The following PCDHGA2 variants were observed in gnomAD, a reference collection of about 807,000 sequenced individuals.
The protein encoded by PCDHGA2 is protocadherin gamma subfamily A, 2.
A neutral mutation model predicts 59.2 loss-of-function variants in PCDHGA2; 40 were observed. The ratio of observed to expected loss-of-function variants is 0.68; its 90% CI spans 0.52 to 0.88. The LOEUF (loss-of-function observed/expected upper bound fraction) is 0.88. Ranked by LOEUF, PCDHGA2 falls within the 40% of genes least tolerant of loss-of-function variation. The pLI is 0.00. For missense variants in PCDHGA2, 1,226 were observed against 1,204.0 expected, an observed-to-expected ratio of 1.02 and a Z score of -0.27; for synonymous variants, 560 against 526.0, an observed-to-expected ratio of 1.06 and a Z score of -0.89.
intron 1 of PCDHGA2, chr5:141,415,762 T>TGTTTG: frequency 7.1e-7 from 1 of 1,399,990 alleles, no homozygotes; most frequent in Non-Finnish European, 9.3e-7. Flanking sequence ...TTTTTTTTTT[T>TGTTTG]TTTTTTTTTT....
At chr5:141,404,302 T>G (rs377754198) in intron 1 of PCDHGA2, 1 of 1,613,858 alleles carries the variant, frequency 6.2e-7, no homozygotes, top group African/African-American at 1.3e-5. Flanking sequence ...ATAATCCACC[T>G]GCTTTCTCTC....
In PCDHGA2 at chr5:141,433,363, CTATCT is replaced by C. The variant is rs2097590943; in HGVS notation, c.2425-61443_2425-61439del. On this transcript the variant is annotated intron_variant, in intron 1 of 3. Transcript: ENST00000394576. ...TGCAAGCCACCTACTGTCTGCCTAT[CTATCT>C]ATCTATCTATCTATCTATCTATCTA... 4 of 463,386 alleles carry C rather than the reference CTATCT, an allele frequency of 8.6e-6. No homozygotes were observed. The African/African-American group carries it at 1.1e-4, about 13-fold the overall frequency. 28.7% of individuals were successfully genotyped at this position (463,386 alleles called of 1,614,324 possible). A position where few individuals can be genotyped will look rare whatever the true frequency, so the allele number is the denominator to read the frequency against.
intron 1 of PCDHGA2, among the ~76,000 whole-genome samples, chr5:141,446,182 G>A (rs1411996595): frequency 6.6e-6 from 1 of 152,118 alleles, no homozygotes; most frequent in African/African-American, 2.4e-5. Flanking sequence ...GGGGTGTTTT[G>A]TTTATTATTA....
intron 1 of PCDHGA2, among the ~76,000 whole-genome samples, chr5:141,450,313 T>G (rs2098676929): frequency 6.6e-6 from 1 of 152,172 alleles, no homozygotes; most frequent in Middle Eastern, 3.4e-3. Context: ...ATGTGTGGCC[T>G]AGTTGCCATG....
intron 1 of PCDHGA2, chr5:141,393,706 C>T: frequency 1.2e-6 from 2 of 1,613,798 alleles, no homozygotes; most frequent in African/African-American, 1.3e-5. Flanking sequence ...AATGAAAATA[C>T]TGGGGAAATA....
chr5:141,415,477 CGAAA>C (rs764359660), intron 1 of PCDHGA2: 56 of 1,614,066 alleles, frequency 3.5e-5, no homozygotes, highest in Middle Eastern at 3.3e-4. Context: ...CGCGGACTCG[CGAAA>C]GAGTCACCTG....
At position 141,489,969 on chromosome 5, in the gene PCDHGA2, A is replaced by C. The variant is rs746202385; in HGVS notation, c.2425-4838A>C. On this transcript the variant is annotated intron_variant, in intron 1 of 3. Coordinates refer to ENST00000394576, the MANE Select transcript of PCDHGA2 (RefSeq NM_018915.4). This position sits in a 1 kb window ranked among gnomAD's most constrained non-coding sequence, Gnocchi z 4.5. The stretch of plus-strand genomic sequence containing the variant: ...TCAATGATAATGCTCCAACCTTCCA[A>C]TCCTCAGTTCTACGTGTGGGAATCC... 4 of 1,614,008 alleles carry C rather than the reference A, an allele frequency of 2.5e-6. No individual in the cohort carries two copies.
chr5:141,478,135 C>T (rs1307702473), intron 1 of PCDHGA2: 7 of 1,613,970 alleles, frequency 4.3e-6, no homozygotes, highest in African/African-American at 1.3e-5. Flanking sequence ...CTCCTGAAGC[C>T]CGAGCCGAGT....
chr5:141,341,047 C>A lies in PCDHGA2; in HGVS notation c.2076C>A (p.Tyr692Ter). 6.2e-7 allele frequency: 1 copy of A among 1,614,180 alleles called. No individual in the cohort carries two copies. The highest frequency in any genetic ancestry group is 1.1e-5 in the South Asian group (1 of 91,078). Reference sequence around the variant, plus strand: ...CCAACGATTCGGACCTCACTCTGTACCTGGTGGTGGCGGTGGCCGCGGTCT... The same window carrying A: ...CCAACGATTCGGACCTCACTCTGTAACTGGTGGTGGCGGTGGCCGCGGTCT... ...AIPNDSDLTL[Y>*]LVVAVAAVSC... The change falls in exon 1 of 4, where the codon TAC becomes TAA. Residue 692 changes from tyrosine (Y) to a stop codon, truncating the protein, a stop_gained. Coordinates refer to ENST00000394576, the MANE Select transcript of PCDHGA2 (RefSeq NM_018915.4). LOFTEE classifies it high-confidence loss of function.
chr5:141,507,504 C>T (rs1443873775), intron 3 of PCDHGA2, among the ~76,000 whole-genome samples: 1 of 152,138 alleles, frequency 6.6e-6, no homozygotes, highest in Admixed American at 6.5e-5. Flanking sequence ...TGTCCCAGGT[C>T]TGGTGGGGCT....
Position 141,487,341 on chromosome 5 carries a change from TC to T in PCDHGA2, c.2425-7465del, listed in dbSNP as rs778559139. Reference sequence around the variant, plus strand: ...TGTCTTCGTGGGGCAGCCTGTGGAGTCACATGCTTTCCTGCTGGCACCTGTG... The same window carrying T: ...TGTCTTCGTGGGGCAGCCTGTGGAGTACATGCTTTCCTGCTGGCACCTGTG... On this transcript the variant is annotated intron_variant, in intron 1 of 3. Transcript: ENST00000394576. This position sits in a 1 kb window ranked among gnomAD's most constrained non-coding sequence, Gnocchi z 5.0. 1 of 1,614,012 alleles carries T rather than the reference TC, an allele frequency of 6.2e-7. No homozygotes were observed. The highest frequency in any genetic ancestry group is 1.1e-5 in the South Asian group (1 of 91,074).
At chr5:141,499,908 G>A (rs903753761) in intron 2 of PCDHGA2, among the ~76,000 whole-genome samples, 2 of 151,980 alleles carry the variant, frequency 1.3e-5, no homozygotes, top group African/African-American at 2.4e-5. Flanking sequence ...GGCTGGTCTT[G>A]AACTCCTGGC....
intron 1 of PCDHGA2, chr5:141,374,487 A>G: frequency 6.2e-7 from 1 of 1,611,648 alleles, no homozygotes; most frequent in Non-Finnish European, 8.5e-7. Context: ...CGATTCTTAA[A>G]GGAAGAATTG....
At chr5:141,492,659 T>C (rs2099742881) in intron 1 of PCDHGA2, among the ~76,000 whole-genome samples, 1 of 152,182 alleles carries the variant, frequency 6.6e-6, no homozygotes, top group Non-Finnish European at 1.5e-5. Context: ...GTCCGGATGG[T>C]CCCGGGACTC....
intron 1 of PCDHGA2, chr5:141,442,112 C>CTCG (rs2098300474): frequency 6.0e-6 from 1 of 166,158 alleles, no homozygotes; most frequent in Admixed American, 6.5e-5. Context: ...ACTACCGCCC[C>CTCG]TCGTCGCCGA....
At chr5:141,384,723 G>A (rs1780414266) in intron 1 of PCDHGA2, 1 of 1,614,142 alleles carries the variant, frequency 6.2e-7, no homozygotes, top group Non-Finnish European at 8.5e-7. Flanking sequence ...CATACCTCCT[G>A]CTTAAGGCCA....
intron 1 of PCDHGA2, chr5:141,399,317 C>T (rs368407532): frequency 2.0e-5 from 33 of 1,613,814 alleles, no homozygotes; most frequent in Non-Finnish European, 2.8e-5. Flanking sequence ...TCCAAAAATT[C>T]GTATAAGTTG....
At chr5:141,472,980 C>CAAAAAA (rs60579131) in intron 1 of PCDHGA2, among the ~76,000 whole-genome samples, 7 of 86,100 alleles carry the variant, frequency 8.1e-5, no homozygotes, top group South Asian at 4.3e-4. Context: ...GAGTGAAACT[C>CAAAAAA]AAAAAAAAAA....
chr5:141,388,662 A>T, intron 1 of PCDHGA2: 1 of 1,613,954 alleles, frequency 6.2e-7, no homozygotes, highest in Non-Finnish European at 8.5e-7. Flanking sequence ...CCCGGGGACC[A>T]CGGTGCTACA....
Sources: gnomAD v4.1 joint callset for allele counts (sites outside exome capture counted in the v4.1 genomes callset) on GRCh38, gnomAD v4.1.1 for gene constraint, Gnocchi (gnomAD v3.1) non-coding constraint, MANE v1.5 for transcripts, NCBI Gene and HGNC (gene_info 2026-07-23, HGNC 2026-07-21) for gene names.